SGCZ: variants seen among roughly 807,000 people sequenced by gnomAD.
SGCZ encodes the protein sarcoglycan zeta, also known as zeta-sarcoglycan.
A neutral mutation model predicts 41.3 loss-of-function variants in SGCZ; 40 were observed. The observed-to-expected ratio is 0.97, with a 90% CI of 0.75 to 1.26. The LOEUF (loss-of-function observed/expected upper bound fraction) is 1.26, where lower values mean the gene tolerates loss of function less well. SGCZ is among the 50% of genes most tolerant of loss of function. The pLI, the probability that SGCZ is intolerant of heterozygous loss-of-function variation, is 0.00. For synonymous variants in SGCZ, 206 were observed against 137.5 expected (o/e 1.50, Z -3.49); for missense variants, 552 against 369.8 (o/e 1.49, Z -4.04).
chr8:15,184,064 T>G (rs2117093704), intron 1 of SGCZ, among the ~76,000 whole-genome samples: 1 of 152,316 alleles, frequency 6.6e-6, no homozygotes, highest in South Asian at 2.1e-4. Context: ...ATATATTTTT[T>G]ATTTATTTTC....
intron 1 of SGCZ, among the ~76,000 whole-genome samples, chr8:15,047,782 C>T (rs569944141): frequency 3.9e-4 from 59 of 152,084 alleles, no homozygotes; most frequent in African/African-American, 1.4e-3. Flanking sequence ...AATTATATAA[C>T]TTTTATCATC....
At chr8:14,736,879 C>A (rs2130260979) in intron 1 of SGCZ, among the ~76,000 whole-genome samples, 1 of 152,062 alleles carries the variant, frequency 6.6e-6, no homozygotes, top group African/African-American at 2.4e-5. Flanking sequence ...TACCGGGTAT[C>A]TACCCAGAAA....
At chr8:14,582,658 C>G (rs1015711539) in intron 1 of SGCZ, among the ~76,000 whole-genome samples, 1 of 113,736 alleles carries the variant, frequency 8.8e-6, no homozygotes, top group African/African-American at 3.4e-5. Flanking sequence ...TCCCTCCCCC[C>G]TCCCCCCACC....
intron 1 of SGCZ, among the ~76,000 whole-genome samples, chr8:14,723,679 T>C (rs1585210367): frequency 6.6e-6 from 1 of 152,102 alleles, no homozygotes; most frequent in Non-Finnish European, 1.5e-5. Context: ...TCTATATATA[T>C]ATATGTCTGT....
chr8:14,324,048 T>C, intron 3 of SGCZ, 55 bp downstream of exon 3: 1 of 1,299,550 alleles, frequency 7.7e-7, no homozygotes, highest in South Asian at 1.2e-5. Flanking sequence ...TATTTCAAGC[T>C]AAAACATAAC....
At chr8:14,828,051 TG>T (rs1802397597) in intron 1 of SGCZ, among the ~76,000 whole-genome samples, 1 of 152,222 alleles carries the variant, frequency 6.6e-6, no homozygotes, top group African/African-American at 2.4e-5. Context: ...GAGAAGCTGC[TG>T]ATCACACATC....
At chr8:14,651,805 T>A (rs962014204) in intron 1 of SGCZ, among the ~76,000 whole-genome samples, 1 of 152,134 alleles carries the variant, frequency 6.6e-6, no homozygotes, top group Non-Finnish European at 1.5e-5. Context: ...CTGTAATAGA[T>A]GTCTAGCCAT....
In SGCZ at chr8:14,108,236, CT is replaced by C. The variant is rs952182934; in HGVS notation, c.548-2del. 1 of 1,613,886 alleles carries C rather than the reference CT, an allele frequency of 6.2e-7. No individual in the cohort carries two copies. Among genetic ancestry groups the C allele is most frequent in the Non-Finnish European group, 8.5e-7 (1 of 1,179,962 alleles). ...TGCCCAAATACGGCTCCTTCAGTGC[CT>C]GGGGGTAGCATGAATATAGCAGTCA... On this transcript the variant is annotated splice_acceptor_variant, in intron 5 of 7. Transcript: ENST00000382080. LOFTEE classifies it high-confidence loss of function.
At chr8:14,333,754 C>A (rs931793649) in intron 2 of SGCZ, among the ~76,000 whole-genome samples, 1 of 152,018 alleles carries the variant, frequency 6.6e-6, no homozygotes, top group Non-Finnish European at 1.5e-5. Flanking sequence ...CAGGGAAATA[C>A]TTTAAATACA....
chr8:14,645,407 A>C (rs1310824418), intron 1 of SGCZ, among the ~76,000 whole-genome samples: 1 of 147,018 alleles, frequency 6.8e-6, no homozygotes, highest in African/African-American at 2.5e-5. Context: ...AACTTTTTAC[A>C]CAGCCAATTA....
intron 1 of SGCZ, among the ~76,000 whole-genome samples, chr8:15,021,255 G>T (rs887250668): frequency 5.3e-5 from 8 of 152,272 alleles, no homozygotes; most frequent in African/African-American, 1.9e-4. Context: ...TTTATGTTTT[G>T]CTGCAAATTA....
rs143228789 is a variant in SGCZ at position 14,650,268 on chromosome 8, C to A, written c.40-95342G>T. Among the ~76,000 whole-genome samples, 191 of 152,180 alleles carry A rather than the reference C, an allele frequency of 1.3e-3. 3 individuals are homozygous for A. Among genetic ancestry groups the A allele is most frequent in the African/African-American group, 4.0e-3 (167 of 41,488 alleles). On this transcript the variant is annotated intron_variant, in intron 1 of 7. Coordinates refer to ENST00000382080, the MANE Select transcript of SGCZ (RefSeq NM_139167.4). ...AGGAAGTGAGAAGCACCTGACTCCC[C>A]ACTCTTCATCTTTACAGGCTTCTCA...
At chr8:14,576,852 G>A (rs1251806575) in intron 1 of SGCZ, among the ~76,000 whole-genome samples, 1 of 152,200 alleles carries the variant, frequency 6.6e-6, no homozygotes. Flanking sequence ...TTATAAGAGA[G>A]AATTGCAGTC....
intron 1 of SGCZ, among the ~76,000 whole-genome samples, chr8:14,847,025 T>C (rs1020142998): frequency 6.6e-6 from 1 of 151,798 alleles, no homozygotes; most frequent in East Asian, 1.9e-4. Context: ...TGAGCCAAGA[T>C]TGTGCCACTG....
chr8:14,506,245 C>T (rs1233759273), intron 2 of SGCZ, among the ~76,000 whole-genome samples: 1 of 152,048 alleles, frequency 6.6e-6, no homozygotes, highest in Non-Finnish European at 1.5e-5. Context: ...CCACCACATC[C>T]ACCATATGTT....
chr8:14,425,695 C>T (rs539903230), intron 2 of SGCZ, among the ~76,000 whole-genome samples: 1 of 151,800 alleles, frequency 6.6e-6, no homozygotes, highest in Admixed American at 6.6e-5. Flanking sequence ...TTTTTATTTG[C>T]AGATTTAAAC....
At chr8:14,535,352 A>G (rs17119730) in intron 2 of SGCZ, among the ~76,000 whole-genome samples, 5,698 of 151,976 alleles carry the variant, frequency 0.037, 154 homozygotes, top group South Asian at 0.12. Flanking sequence ...TAAAAACTCT[A>G]TGTGACTAAA....
intron 2 of SGCZ, among the ~76,000 whole-genome samples, chr8:14,426,915 CA>C: frequency 6.6e-6 from 1 of 151,934 alleles, no homozygotes; most frequent in African/African-American, 2.4e-5. Flanking sequence ...GAACTCATTT[CA>C]AAATTGTTAT....
At chr8:14,277,945 G>A (rs1430976971) in intron 3 of SGCZ, among the ~76,000 whole-genome samples, 3 of 152,090 alleles carry the variant, frequency 2.0e-5, no homozygotes, top group Admixed American at 6.6e-5. Context: ...ACAGACAAAA[G>A]AAGTCATCGC....
Sources: allele counts gnomAD v4.1 joint callset (sites outside exome capture counted in the v4.1 genomes callset), GRCh38; gene constraint gnomAD v4.1.1; transcripts MANE v1.5; gene names NCBI Gene and HGNC (gene_info 2026-07-23, HGNC 2026-07-21).